The following SMAD5 variants were observed in gnomAD, a reference collection of about 807,000 sequenced individuals.
The protein encoded by SMAD5 is SMAD family member 5, also known as MAD, mothers against decapentaplegic homolog 5.
SMAD5 carries 9 observed loss-of-function variants against 43.1 expected under a neutral mutation model. The ratio of observed to expected loss-of-function variants is 0.21; its 90% confidence interval spans 0.13 to 0.36. SMAD5 has a LOEUF of 0.36. SMAD5 is among the 10% of genes least tolerant of loss of function. The probability of loss-of-function intolerance (pLI) is 1.00; values close to 1 mark genes in which losing one functional copy is unlikely to be tolerated. For synonymous variants in SMAD5, 190 were observed against 192.4 expected (o/e 0.99, Z 0.10); for missense variants, 348 against 574.0 (o/e 0.61, Z 4.02).
Position 136,135,833 on chromosome 5 carries a change from A to T in SMAD5, c.-245+2871A>T, listed in dbSNP as rs150702152. On this transcript the variant is annotated intron_variant, in intron 1 of 7. Coordinates refer to ENST00000545279, the MANE Select transcript of SMAD5 (RefSeq NM_005903.7). Reference sequence around the variant, plus strand: ...TCTTCCCTGTTTTTACTTCTAGACGATCTATATTCCTTGTATCTGTCTGTC... The same window carrying T: ...TCTTCCCTGTTTTTACTTCTAGACGTTCTATATTCCTTGTATCTGTCTGTC... Among the ~76,000 whole-genome samples the T allele has an allele frequency of 5.3e-5, 8 of 152,286 alleles. No homozygotes were observed. In the East Asian group the frequency reaches 1.5e-3, roughly 29 times the overall value.
At chr5:136,160,760 A>T in intron 3 of SMAD5, 96 bp from the exon 4 acceptor site, 1 of 1,188,010 alleles carries the variant, frequency 8.4e-7, no homozygotes, top group Non-Finnish European at 1.2e-6. Context: ...TAATAGGTTT[A>T]CAGTCTTACA....
At chr5:136,152,072 G>C (rs1288673508) in intron 2 of SMAD5, among the ~76,000 whole-genome samples, 4 of 151,916 alleles carry the variant, frequency 2.6e-5, no homozygotes, top group African/African-American at 9.7e-5. Context: ...TCCTACATAG[G>C]GCTGGGCAAG....
Position 136,172,540 on chromosome 5 carries a change from G to A in SMAD5, c.882G>A (p.Val294=). The A allele has an allele frequency of 6.3e-7, 1 of 1,598,836 alleles. No individual in the cohort carries two copies. The highest frequency in any genetic ancestry group is 8.6e-7 in the Non-Finnish European group (1 of 1,166,126). ...CTTTTCATGCATCTTCTACTAGTGT[G>A]TTAGTAGATGGATTCACAGATCCTT... ...GEAFHASSTS[V]LVDGFTDPSN... is the part of the protein sequence containing the mutation. Residue 294 remains valine (V), a synonymous_variant, in exon 6 of 8, where the codon GTG becomes GTA. Coordinates refer to ENST00000545279, the MANE Select transcript of SMAD5 (RefSeq NM_005903.7).
chr5:136,144,047 A>C (rs1351196970), intron 1 of SMAD5, among the ~76,000 whole-genome samples: 3 of 152,116 alleles, frequency 2.0e-5, no homozygotes, highest in African/African-American at 7.2e-5. Flanking sequence ...ATAGCAGATA[A>C]TGGGTTCATT....
chr5:136,145,956 T>C (rs1162575572), intron 1 of SMAD5, among the ~76,000 whole-genome samples: 2 of 151,918 alleles, frequency 1.3e-5, no homozygotes, highest in Non-Finnish European at 1.5e-5. Context: ...CAAAGGGTCA[T>C]ATCCTGACTT....
At chr5:136,143,623 C>T (rs563848648) in intron 1 of SMAD5, among the ~76,000 whole-genome samples, 1 of 151,920 alleles carries the variant, frequency 6.6e-6, no homozygotes, top group East Asian at 1.9e-4. Context: ...TTTCCTCGTC[C>T]TTGTACTTTC....
intron 3 of SMAD5, 37 bp from the exon 4 acceptor site, chr5:136,160,819 C>A: frequency 1.2e-6 from 2 of 1,605,958 alleles, no homozygotes; most frequent in South Asian, 2.2e-5. Flanking sequence ...TTTGTTTAGT[C>A]ATTCCTGACA....
intron 1 of SMAD5, among the ~76,000 whole-genome samples, chr5:136,143,035 A>C (rs77506818): frequency 0.011 from 1,667 of 152,170 alleles, 42 homozygotes; most frequent in African/African-American, 0.039. Flanking sequence ...TCTCCAATTC[A>C]TATGATCCTC....
intron 7 of SMAD5, among the ~76,000 whole-genome samples, chr5:136,176,156 T>A (rs1193642291): frequency 6.9e-6 from 1 of 145,128 alleles, no homozygotes. Flanking sequence ...AATTTTTCGT[T>A]AAAAAAAAAA....
At chr5:136,138,694 C>A (rs931828425) in intron 1 of SMAD5, among the ~76,000 whole-genome samples, 1 of 152,094 alleles carries the variant, frequency 6.6e-6, no homozygotes, top group Non-Finnish European at 1.5e-5. Flanking sequence ...CCCCTGCCCC[C>A]AAAAGTTACC....
intron 1 of SMAD5, among the ~76,000 whole-genome samples, chr5:136,141,602 C>T (rs1561640463): frequency 1.3e-5 from 2 of 152,110 alleles, no homozygotes; most frequent in Admixed American, 6.5e-5. Context: ...GCTGATAAAC[C>T]CCTGCATGTC....
chr5:136,155,471 T>C (rs752117181), intron 3 of SMAD5, among the ~76,000 whole-genome samples: 1 of 152,206 alleles, frequency 6.6e-6, no homozygotes, highest in African/African-American at 2.4e-5. Context: ...CTTCTTCCCC[T>C]TAACCCATTG....
rs1384514126 is a variant in SMAD5 at position 136,182,262 on chromosome 5, AT to A, written c.*4786del. Reference sequence around the variant, plus strand: ...AAAAAAAAAAATCTTTTAGGGTCAGATTTTCCCTTCTAATATCATTGAAGAT... The same window carrying A: ...AAAAAAAAAAATCTTTTAGGGTCAGATTTCCCTTCTAATATCATTGAAGAT... On this transcript the variant is annotated 3_prime_UTR_variant, in exon 8 of 8. Transcript: ENST00000545279. The A allele has an allele frequency of 6.6e-6, 1 of 151,860 alleles. No homozygotes were observed. Among genetic ancestry groups the A allele is most frequent in the African/African-American group, 2.4e-5 (1 of 41,364 alleles). 9.4% of individuals were successfully genotyped at this position (151,860 alleles called of 1,614,324 possible). A position where few individuals can be genotyped will look rare whatever the true frequency, so the allele number is the denominator to read the frequency against.
At chr5:136,137,364 C>G (rs1412863757) in intron 1 of SMAD5, among the ~76,000 whole-genome samples, 11 of 146,546 alleles carry the variant, frequency 7.5e-5, no homozygotes. Context: ...AAGATTTTAG[C>G]AGGATTTTTT....
chr5:136,174,752 G>A, intron 7 of SMAD5, 120 bp downstream of exon 7: 1 of 651,986 alleles, frequency 1.5e-6, no homozygotes, highest in Non-Finnish European at 2.6e-6. Flanking sequence ...TGATTTAACA[G>A]GTTTTTAAAT....
chr5:136,163,165 A>T, intron 4 of SMAD5, 107 bp from the exon 5 acceptor site: 5 of 874,322 alleles, frequency 5.7e-6, no homozygotes, highest in Admixed American at 3.0e-5. Flanking sequence ...TTTGTGTGTG[A>T]TGTTCAGTAA....
intron 3 of SMAD5, among the ~76,000 whole-genome samples, chr5:136,154,366 A>G (rs1753563844): frequency 6.6e-6 from 1 of 152,046 alleles, no homozygotes; most frequent in Non-Finnish European, 1.5e-5. Flanking sequence ...GCTTACTCTA[A>G]TTCATTATTC....
chr5:136,135,078 T>C (rs1051288774), intron 1 of SMAD5, among the ~76,000 whole-genome samples: 9 of 152,230 alleles, frequency 5.9e-5, no homozygotes, highest in Non-Finnish European at 1.0e-4. Flanking sequence ...TGGTTCACTG[T>C]GGTAGGCGCC....
chr5:136,171,079 G>C (rs1056522883), intron 5 of SMAD5, among the ~76,000 whole-genome samples: 3 of 152,110 alleles, frequency 2.0e-5, no homozygotes, highest in African/African-American at 7.2e-5. Flanking sequence ...AGGACTTCCA[G>C]TATGATGTTG....
Sources: allele counts gnomAD v4.1 joint callset (sites outside exome capture counted in the v4.1 genomes callset), GRCh38; gene constraint gnomAD v4.1.1; transcripts MANE v1.5; gene names NCBI Gene and HGNC (gene_info 2026-07-23, HGNC 2026-07-21).